Variants in INPP4B observed in about 807,000 individuals in gnomAD.
The protein encoded by INPP4B is inositol polyphosphate 4-phosphatase type II.
A neutral mutation model predicts 122.5 loss-of-function variants in INPP4B; 55 were observed. The observed-to-expected ratio is 0.45, with a 90% CI of 0.36 to 0.56. The LOEUF (loss-of-function observed/expected upper bound fraction) is 0.56, where lower values mean the gene tolerates loss of function less well. INPP4B is among the 20% of genes least tolerant of loss of function. INPP4B has a pLI of 0.00. For synonymous variants in INPP4B, 403 were observed against 388.7 expected (o/e 1.04, Z -0.43); for missense variants, 1,000 against 1,097.7 (o/e 0.91, Z 1.26).
At chr4:142,244,861 C>T (rs1228882596) in intron 11 of INPP4B, among the ~76,000 whole-genome samples, 3 of 152,166 alleles carry the variant, frequency 2.0e-5, no homozygotes, top group African/African-American at 7.2e-5. Flanking sequence ...TAAAAGCGTT[C>T]CTATTTCTCC....
intron 1 of INPP4B, among the ~76,000 whole-genome samples, chr4:142,757,011 A>T (rs1197659837): frequency 6.6e-6 from 1 of 152,194 alleles, no homozygotes; most frequent in Non-Finnish European, 1.5e-5. Flanking sequence ...AATAAACATT[A>T]TGGTATCTTA....
At chr4:142,618,296 A>C (rs1340859817) in intron 2 of INPP4B, among the ~76,000 whole-genome samples, 1 of 152,098 alleles carries the variant, frequency 6.6e-6, no homozygotes, top group East Asian at 1.9e-4. Flanking sequence ...AAGAAGAACA[A>C]AGCAGGAGAA....
At chr4:142,492,365 G>T (rs952483200) in intron 2 of INPP4B, among the ~76,000 whole-genome samples, 2 of 152,134 alleles carry the variant, frequency 1.3e-5, no homozygotes, top group Non-Finnish European at 2.9e-5. Context: ...ACAGGCAGAG[G>T]TTGAAACCTT....
chr4:142,481,568 T>A (rs1438564002), intron 2 of INPP4B, among the ~76,000 whole-genome samples: 2 of 152,170 alleles, frequency 1.3e-5, no homozygotes, highest in African/African-American at 4.8e-5. Flanking sequence ...ATAATATTTT[T>A]ATAAATTATT....
At chr4:142,432,706 A>C (rs1330936043) in intron 3 of INPP4B, among the ~76,000 whole-genome samples, 1 of 152,132 alleles carries the variant, frequency 6.6e-6, no homozygotes, top group Non-Finnish European at 1.5e-5. Flanking sequence ...TATCTGTAGC[A>C]GACTGCAAGG....
chr4:142,463,758 T>C (rs1317594069), intron 2 of INPP4B, among the ~76,000 whole-genome samples: 1 of 152,078 alleles, frequency 6.6e-6, no homozygotes, highest in Non-Finnish European at 1.5e-5. Flanking sequence ...TTATAAGATC[T>C]TCCCCCTTTT....
intron 1 of INPP4B, among the ~76,000 whole-genome samples, chr4:142,727,673 G>A (rs1193368462): frequency 6.6e-6 from 1 of 152,116 alleles, no homozygotes; most frequent in African/African-American, 2.4e-5. Flanking sequence ...TTGAGCCCAG[G>A]AGTTCAAGAC....
At chr4:142,143,501 G>A (rs148292831) in intron 18 of INPP4B, among the ~76,000 whole-genome samples, 110 of 151,914 alleles carry the variant, frequency 7.2e-4, no homozygotes, top group African/African-American at 2.4e-3. Flanking sequence ...GAAGCTTTCC[G>A]TTCACCCACA....
chr4:142,067,546 A>G (rs1387924822), intron 25 of INPP4B, among the ~76,000 whole-genome samples: 1 of 152,188 alleles, frequency 6.6e-6, no homozygotes, highest in Non-Finnish European at 1.5e-5. Context: ...CTAAAGGAGG[A>G]TGTTCAAACC....
rs759052908 is a variant in INPP4B, at chr4:142,270,743, T to C, written c.535A>G (p.Ile179Val). 14 of 1,613,834 alleles carry C rather than the reference T, an allele frequency of 8.7e-6. No individual in the cohort carries two copies. Among genetic ancestry groups the C allele is most frequent in the Non-Finnish European group, 1.1e-5 (13 of 1,179,902 alleles). ...CCCATCTTCACGACACTGACTTCTA[T>C]GGTGCCAACCACTTTGCCACCATCT... is the stretch of plus-strand genomic sequence containing the variant. ...TSDGGKVVGTIEVSVVKMGEI... is the reference protein window; with the variant it reads ...TSDGGKVVGTVEVSVVKMGEI... The change falls in exon 10 of 26, where the codon ATA becomes GTA. Residue 179 changes from isoleucine to valine, a missense_variant. Physicochemically the swap from Ile to Val is conservative, Grantham distance 29 (BLOSUM62 3). Transcript: ENST00000262992.
At chr4:142,486,622 C>T (rs371861148) in intron 2 of INPP4B, among the ~76,000 whole-genome samples, 11 of 152,084 alleles carry the variant, frequency 7.2e-5, no homozygotes, top group Non-Finnish European at 1.5e-4. Context: ...TATAGAAACT[C>T]TAATTTATCA....
In INPP4B at chr4:142,490,600, T is replaced by C. The variant is rs116390050; in HGVS notation, c.-190-27874A>G. On this transcript the variant is annotated intron_variant, in intron 2 of 25. Transcript: ENST00000262992. ...ATTTTAGCAATTTTCAAGAATATAA[T>C]ATATTGTTATTAACTATAGTCACAA... is the stretch of plus-strand genomic sequence containing the variant. Among the ~76,000 whole-genome samples the C allele has an allele frequency of 6.1e-3, 924 of 152,266 alleles. 8 individuals are homozygous for C. Among genetic ancestry groups the C allele is most frequent in the Middle Eastern group, 0.044 (13 of 294 alleles).
At chr4:142,305,013 G>A (rs1482182628) in intron 9 of INPP4B, among the ~76,000 whole-genome samples, 2 of 151,982 alleles carry the variant, frequency 1.3e-5, no homozygotes, top group African/African-American at 2.4e-5. Flanking sequence ...ATGTTTAATA[G>A]TATAGCACCA....
chr4:142,607,479 G>A (rs913050151), intron 2 of INPP4B, among the ~76,000 whole-genome samples: 2 of 152,034 alleles, frequency 1.3e-5, no homozygotes, highest in Non-Finnish European at 1.5e-5. Flanking sequence ...AGTCCTGGCT[G>A]ACATAAAGCT....
chr4:142,153,713 C>T (rs1815632660), intron 17 of INPP4B, among the ~76,000 whole-genome samples: 2 of 152,080 alleles, frequency 1.3e-5, no homozygotes. Context: ...GCAAGTCTAT[C>T]CATTCACTTA....
At chr4:142,117,355 C>A (rs1307857084) in intron 21 of INPP4B, among the ~76,000 whole-genome samples, 5 of 151,428 alleles carry the variant, frequency 3.3e-5, no homozygotes, top group African/African-American at 1.2e-4. Flanking sequence ...AGAGACACAA[C>A]AAAAAAAAGA....
At chr4:142,173,309 T>C (rs1431016108) in intron 16 of INPP4B, among the ~76,000 whole-genome samples, 1 of 151,564 alleles carries the variant, frequency 6.6e-6, no homozygotes, top group Non-Finnish European at 1.5e-5. Flanking sequence ...GAAAATAAAG[T>C]AATTTTCAAA....
intron 17 of INPP4B, among the ~76,000 whole-genome samples, chr4:142,147,910 G>A (rs995101476): frequency 1.3e-5 from 2 of 152,130 alleles, no homozygotes; most frequent in African/African-American, 4.8e-5. Flanking sequence ...AGCTAAGGAA[G>A]CTCATTTATT....
intron 2 of INPP4B, among the ~76,000 whole-genome samples, chr4:142,675,587 G>T (rs553754874): frequency 6.6e-5 from 10 of 152,086 alleles, no homozygotes; most frequent in African/African-American, 1.9e-4. Context: ...ACATCAATGC[G>T]AAAATCCTCA....
Sources: allele counts gnomAD v4.1 joint callset (sites outside exome capture counted in the v4.1 genomes callset), GRCh38; gene constraint gnomAD v4.1.1; transcripts MANE v1.5; gene names NCBI Gene and HGNC (gene_info 2026-07-23, HGNC 2026-07-21).